Variants in BLOC1S5 observed in about 807,000 individuals in gnomAD.
BLOC1S5 encodes the protein biogenesis of lysosome-related organelles complex 1 subunit 5.
Under a neutral mutation model 24.3 loss-of-function variants are expected in BLOC1S5, and 27 were observed. The observed-to-expected ratio is 1.11, with a 90% CI of 0.82 to 1.53. The LOEUF (loss-of-function observed/expected upper bound fraction) is 1.53, where lower values mean the gene tolerates loss of function less well. Ranked by LOEUF, BLOC1S5 falls within the 40% of genes most tolerant of loss-of-function variation. The pLI is 0.00. For synonymous variants in BLOC1S5, 84 were observed against 74.5 expected, an observed-to-expected ratio of 1.13 and a Z score of -0.66; for missense variants, 239 against 229.4, an observed-to-expected ratio of 1.04 and a Z score of -0.27.
intron 2 of BLOC1S5, among the ~76,000 whole-genome samples, chr6:8,059,028 G>T (rs147894446): frequency 6.6e-6 from 1 of 152,284 alleles, no homozygotes; most frequent in African/African-American, 2.4e-5. Flanking sequence ...AATACTTGTT[G>T]ACCACCATCA....
intron 3 of BLOC1S5, among the ~76,000 whole-genome samples, chr6:8,039,316 G>C (rs1763602856): frequency 6.6e-6 from 1 of 152,140 alleles, no homozygotes; most frequent in African/African-American, 2.4e-5. Flanking sequence ...CATGAGGAAA[G>C]GTTGATTAAT....
intron 2 of BLOC1S5, among the ~76,000 whole-genome samples, chr6:8,057,819 T>C (rs2294434): frequency 0.16 from 23,808 of 152,198 alleles, 1,934 homozygotes; most frequent in Admixed American, 0.19. Flanking sequence ...TCTCTAATTT[T>C]AACCAACATT....
chr6:8,048,953 G>T (rs1204303798), intron 2 of BLOC1S5, among the ~76,000 whole-genome samples: 2 of 150,978 alleles, frequency 1.3e-5, no homozygotes, highest in Non-Finnish European at 2.9e-5. Flanking sequence ...GGCAGAAGCT[G>T]CAGTGAGTCG....
chr6:8,026,692 C>G (rs9502675), intron 3 of BLOC1S5, among the ~76,000 whole-genome samples: 2 of 152,000 alleles, frequency 1.3e-5, no homozygotes, highest in Non-Finnish European at 2.9e-5. Flanking sequence ...ACTCCAATGA[C>G]AGATTGTCTA....
chr6:8,014,300 GTCTCACTC>G lies in BLOC1S5; in HGVS notation c.*1341_*1348del, dbSNP rs1216048265. On this transcript the variant is annotated 3_prime_UTR_variant, in exon 5 of 5. Coordinates refer to ENST00000397457, the MANE Select transcript of BLOC1S5 (RefSeq NM_201280.3). ...TAGATTTTTTTTTTGTTGAGATGGA[GTCTCACTC>G]TGTCACCCAAGCTGGAGTGCAGTGG... 6.6e-6 allele frequency: 1 copy of G among 151,886 alleles called. No individual in the cohort carries two copies. Among genetic ancestry groups the G allele is most frequent in the Non-Finnish European group, 1.5e-5 (1 of 68,008 alleles). The allele number at this position is 151,886 out of a possible 1,614,324, so 9.4% of individuals were successfully genotyped here.
chr6:8,037,567 T>C (rs1482556480), intron 3 of BLOC1S5, among the ~76,000 whole-genome samples: 2 of 152,140 alleles, frequency 1.3e-5, no homozygotes, highest in Non-Finnish European at 2.9e-5. Flanking sequence ...ACAGGCTCAA[T>C]GCAATCCCTA....
In BLOC1S5 at chr6:8,013,949, TCA is replaced by T. The variant is rs1762658333; in HGVS notation, c.*1698_*1699del. 6.6e-6 allele frequency: 1 copy of T among 152,198 alleles called. No homozygotes were observed. The highest frequency in any genetic ancestry group is 2.1e-4 in the South Asian group (1 of 4,828). 9.4% of individuals were successfully genotyped at this position (152,198 alleles called of 1,614,324 possible). A position where few individuals can be genotyped will look rare whatever the true frequency, so the allele number is the denominator to read the frequency against. ...GCGGATAGAGAAAGTTGGCAGAAGT[TCA>T]GTGTTATTGAAAAAAATCTCAAATA... On this transcript the variant is annotated 3_prime_UTR_variant, in exon 5 of 5. Coordinates refer to ENST00000397457, the MANE Select transcript of BLOC1S5 (RefSeq NM_201280.3).
At chr6:8,047,160 T>TCTCTCTCTCTCA (rs1475934039) in intron 2 of BLOC1S5, among the ~76,000 whole-genome samples, 6 of 126,912 alleles carry the variant, frequency 4.7e-5, no homozygotes, top group Non-Finnish European at 6.5e-5. Flanking sequence ...TCTCTCTCTC[T>TCTCTCTCTCTCA]CACACACACA....
chr6:8,059,620 T>C (rs79367692), intron 2 of BLOC1S5, among the ~76,000 whole-genome samples: 1,928 of 152,302 alleles, frequency 0.013, 37 homozygotes, highest in African/African-American at 0.043. Context: ...ATAATGCAGA[T>C]GTATATTCAA....
Position 8,015,645 on chromosome 6 carries a change from G to C in BLOC1S5, c.*4C>G. 5.6e-6 allele frequency: 9 copies of C among 1,609,256 alleles called. No homozygotes were observed. In the South Asian group the frequency reaches 7.8e-5, roughly 14 times the overall value. Reference sequence around the variant, plus strand: ...TTAGTTTGTGATTGTTGTGGTTCAAGTTCTTAAAAGGTTGAAAATTTCGCT... The same window carrying C: ...TTAGTTTGTGATTGTTGTGGTTCAACTTCTTAAAAGGTTGAAAATTTCGCT... On this transcript the variant is annotated 3_prime_UTR_variant, in exon 5 of 5. Coordinates refer to ENST00000397457, the MANE Select transcript of BLOC1S5 (RefSeq NM_201280.3).
intron 2 of BLOC1S5, among the ~76,000 whole-genome samples, chr6:8,058,585 G>C (rs1438833916): frequency 6.6e-6 from 1 of 152,168 alleles, no homozygotes; most frequent in Non-Finnish European, 1.5e-5. Context: ...AGCTACTTGG[G>C]AGGCTGAAGT....
At chr6:8,034,479 C>T (rs1415078461) in intron 3 of BLOC1S5, among the ~76,000 whole-genome samples, 7 of 152,110 alleles carry the variant, frequency 4.6e-5, no homozygotes, top group South Asian at 4.2e-4. Context: ...GGCCTGTCGG[C>T]GGGTGGAGGG....
At chr6:8,045,508 T>C (rs1763851331) in intron 2 of BLOC1S5, among the ~76,000 whole-genome samples, 1 of 151,972 alleles carries the variant, frequency 6.6e-6, no homozygotes, top group Non-Finnish European at 1.5e-5. Flanking sequence ...CCCAGAATGG[T>C]AGATCCACCG....
chr6:8,047,975 A>C (rs1306484238), intron 2 of BLOC1S5, among the ~76,000 whole-genome samples: 2 of 152,218 alleles, frequency 1.3e-5, no homozygotes, highest in African/African-American at 4.8e-5. Flanking sequence ...CGTATTTACC[A>C]GTTTCAAAAA....
chr6:8,017,744 A>T (rs1468874820), intron 4 of BLOC1S5: 2 of 152,212 alleles, frequency 1.3e-5, no homozygotes, highest in East Asian at 1.9e-4. Context: ...ACAGACAAAG[A>T]AATTAAGGCT....
intron 2 of BLOC1S5, among the ~76,000 whole-genome samples, chr6:8,052,558 T>C (rs1764151968): frequency 6.6e-6 from 1 of 152,002 alleles, no homozygotes; most frequent in Admixed American, 6.6e-5. Flanking sequence ...GAGGAAGCCA[T>C]TATAGATGGG....
At chr6:8,022,277 T>C (rs1762939495) in intron 4 of BLOC1S5, among the ~76,000 whole-genome samples, 1 of 149,392 alleles carries the variant, frequency 6.7e-6, no homozygotes, top group Non-Finnish European at 1.5e-5. Flanking sequence ...CTGCTAAACA[T>C]CCTGCAATGC....
chr6:8,026,037 T>C (rs1017363640), intron 4 of BLOC1S5, among the ~76,000 whole-genome samples: 2 of 152,210 alleles, frequency 1.3e-5, no homozygotes, highest in African/African-American at 4.8e-5. Flanking sequence ...ACTCAATACT[T>C]CAGGCTCAGA....
At chr6:8,050,274 T>C (rs1309120634) in intron 2 of BLOC1S5, among the ~76,000 whole-genome samples, 1 of 152,136 alleles carries the variant, frequency 6.6e-6, no homozygotes, top group East Asian at 1.9e-4. Context: ...GTCATAGTTT[T>C]GGGGCGCCAC....
Sources: gnomAD v4.1 joint callset for allele counts (sites outside exome capture counted in the v4.1 genomes callset) on GRCh38, gnomAD v4.1.1 for gene constraint, MANE v1.5 for transcripts, NCBI Gene and HGNC (gene_info 2026-07-23, HGNC 2026-07-21) for gene names.